The following BCAS3 variants were observed in gnomAD, a reference collection of about 807,000 sequenced individuals.
The protein encoded by BCAS3 is BCAS3 microtubule associated cell migration factor.
BCAS3 carries 53 observed loss-of-function variants against 116.1 expected under a neutral mutation model. The ratio of observed to expected loss-of-function variants is 0.46; its 90% confidence interval spans 0.37 to 0.57. The LOEUF is 0.57. BCAS3 is among the 20% of genes least tolerant of loss of function. The probability of loss-of-function intolerance (pLI) is 0.00; values close to 1 mark genes in which losing one functional copy is unlikely to be tolerated. For missense variants in BCAS3, 917 were observed against 1,165.4 expected, an observed-to-expected ratio of 0.79 and a Z score of 3.10; for synonymous variants, 391 against 408.2, an observed-to-expected ratio of 0.96 and a Z score of 0.51.
chr17:60,897,437 T>C (rs2057587082), intron 10 of BCAS3, among the ~76,000 whole-genome samples: 1 of 152,208 alleles, frequency 6.6e-6, no homozygotes, highest in African/African-American at 2.4e-5. Flanking sequence ...GCCTGTTGTA[T>C]CTGAATGTCC....
chr17:61,223,679 C>A (rs2082234656), intron 22 of BCAS3, among the ~76,000 whole-genome samples: 1 of 152,126 alleles, frequency 6.6e-6, no homozygotes, highest in African/African-American at 2.4e-5. Context: ...TATCAAGGTT[C>A]TTTTCATGAT....
intron 4 of BCAS3, among the ~76,000 whole-genome samples, chr17:60,705,797 A>G (rs1479418718): frequency 1.3e-5 from 2 of 152,222 alleles, no homozygotes; most frequent in Non-Finnish European, 2.9e-5. Context: ...TCTTTTAGAC[A>G]TAGATCTTTC....
At chr17:61,230,139 GTA>G (rs1028506420) in intron 22 of BCAS3, among the ~76,000 whole-genome samples, 6 of 42,174 alleles carry the variant, frequency 1.4e-4, no homozygotes, top group Admixed American at 3.8e-4. Flanking sequence ...AAAAGTGTGT[GTA>G]TACACACACA....
chr17:60,918,134 C>T (rs1438872994), intron 12 of BCAS3, among the ~76,000 whole-genome samples: 2 of 152,148 alleles, frequency 1.3e-5, no homozygotes, highest in Non-Finnish European at 2.9e-5. Context: ...TATATCCTTA[C>T]CCCAACACTA....
chr17:60,706,355 C>T (rs1755042107), intron 4 of BCAS3, among the ~76,000 whole-genome samples: 1 of 152,098 alleles, frequency 6.6e-6, no homozygotes, highest in Admixed American at 6.6e-5. Flanking sequence ...TGAGCTACCG[C>T]ACCCAGCAGG....
rs906477444 is a variant in BCAS3 at position 60,962,531 on chromosome 17, T to A, written c.1221+15179T>A. ...TCTTTTGCCCATTTTTAAATTTTCT[T>A]ATTTTTTCTTTTGTTTCTAATGGGG... On this transcript the variant is annotated intron_variant, in intron 14 of 23. Coordinates refer to ENST00000407086, the MANE Select transcript of BCAS3 (RefSeq NM_017679.5). The surrounding 1 kb of genome is among the most constrained non-coding windows in gnomAD (Gnocchi z 4.4). 6.6e-6 allele frequency among the ~76,000 whole-genome samples: 1 copy of A among 152,172 alleles called. No individual in the cohort carries two copies. Among genetic ancestry groups the A allele is most frequent in the South Asian group, 2.1e-4 (1 of 4,830 alleles).
rs1384647100 is a variant in BCAS3, at chr17:61,229,293, G to T, written c.2426-139034G>T. Among the ~76,000 whole-genome samples the T allele has an allele frequency of 6.6e-6, 1 of 152,206 alleles. No homozygotes were observed. Among genetic ancestry groups the T allele is most frequent in the East Asian group, 1.9e-4 (1 of 5,200 alleles). On this transcript the variant is annotated intron_variant, in intron 22 of 23. Transcript: ENST00000407086. This position sits in a 1 kb window ranked among gnomAD's most constrained non-coding sequence, Gnocchi z 4.4. ...AGAAGAAAAGTTTGAAGCTAACAGA[G>T]GTTGGTTCGTGAGGTTAAGGAAAGA...
chr17:61,164,102 T>G (rs2078338293), intron 22 of BCAS3, among the ~76,000 whole-genome samples: 1 of 151,086 alleles, frequency 6.6e-6, no homozygotes, highest in African/African-American at 2.4e-5. Flanking sequence ...TGACTTTTTT[T>G]TTTTTTTTTT....
intron 22 of BCAS3, among the ~76,000 whole-genome samples, chr17:61,342,940 CAG>C (rs2057275776): frequency 6.6e-6 from 1 of 151,958 alleles, no homozygotes; most frequent in Non-Finnish European, 1.5e-5. Flanking sequence ...TTAGTAGAGA[CAG>C]AGTTTCACCA....
chr17:60,696,551 A>G (rs181428273), intron 4 of BCAS3: 4 of 152,334 alleles, frequency 2.6e-5, no homozygotes, highest in African/African-American at 4.8e-5. Context: ...GTGAAACTGC[A>G]TCAGTGAACA....
At position 61,198,132 on chromosome 17, in the gene BCAS3, G is replaced by GTTTTT. The variant is rs11311858; in HGVS notation, c.2425+113576_2425+113580dup. Among the ~76,000 whole-genome samples the GTTTTT allele has an allele frequency of 4.2e-5, 6 of 143,646 alleles. No individual in the cohort carries two copies. The highest frequency in any genetic ancestry group is 5.1e-5 in the African/African-American group (2 of 39,290). The allele number at this position is 143,646 out of a possible 152,430, so 94.2% of individuals were successfully genotyped here. On this transcript the variant is annotated intron_variant, in intron 22 of 23. Transcript: ENST00000407086. The surrounding 1 kb of genome is among the most constrained non-coding windows in gnomAD (Gnocchi z 5.0). ...GCGATTAAGATAAAGTGCAAGATAT[G>GTTTTT]TTTTTTTTTTTTCTTTTTTTTTTTT... is the stretch of plus-strand genomic sequence containing the variant.
In BCAS3 at chr17:61,368,272, TG is replaced by T; in HGVS notation, c.2426-53del. 2 of 1,525,306 alleles carry T rather than the reference TG, an allele frequency of 1.3e-6. No homozygotes were observed. The highest frequency in any genetic ancestry group is 1.8e-6 in the Non-Finnish European group (2 of 1,126,048). 94.5% of individuals were successfully genotyped at this position (1,525,306 alleles called of 1,614,324 possible). ...GGAGCGGGTGGGAGGTAGACAAGAATGGCCTGCTCCCTGAAGGTGTGGACTC... is the reference window on the plus strand; with the variant it reads ...GGAGCGGGTGGGAGGTAGACAAGAATGCCTGCTCCCTGAAGGTGTGGACTC... On this transcript the variant is annotated intron_variant, in intron 22 of 23. Coordinates refer to ENST00000407086, the MANE Select transcript of BCAS3 (RefSeq NM_017679.5). The surrounding 1 kb of genome is among the most constrained non-coding windows in gnomAD (Gnocchi z 6.0).
intron 22 of BCAS3, among the ~76,000 whole-genome samples, chr17:61,247,627 A>G (rs1602171848): frequency 2.6e-5 from 4 of 152,202 alleles, no homozygotes; most frequent in African/African-American, 4.8e-5. Context: ...CCATGTGCCA[A>G]GTCCCTTATT....
rs2066476117 is a variant in BCAS3, at chr17:61,029,411, T to TC, written c.1638-5255_1638-5254insC. Among the ~76,000 whole-genome samples the TC allele has an allele frequency of 6.6e-6, 1 of 152,014 alleles. No individual in the cohort carries two copies. The highest frequency in any genetic ancestry group is 1.5e-5 in the Non-Finnish European group (1 of 67,896). On this transcript the variant is annotated intron_variant, in intron 16 of 23. Transcript: ENST00000407086. The surrounding 1 kb of genome is among the most constrained non-coding windows in gnomAD (Gnocchi z 5.2). Reference sequence around the variant, plus strand: ...TAGTCACTTTGGACTTCCCTGGTATTATGTGTCATCTAGGTTAGTTTAGGA... The same window carrying TC: ...TAGTCACTTTGGACTTCCCTGGTATTCATGTGTCATCTAGGTTAGTTTAGGA...
At chr17:61,382,056 G>A (rs1045275947) in intron 23 of BCAS3, among the ~76,000 whole-genome samples, 8 of 151,930 alleles carry the variant, frequency 5.3e-5, no homozygotes, top group Admixed American at 2.6e-4. Flanking sequence ...GGCCGGGCGC[G>A]GTGGCTCACG....
At chr17:61,263,527 A>G (rs1188804801) in intron 22 of BCAS3, among the ~76,000 whole-genome samples, 2 of 152,234 alleles carry the variant, frequency 1.3e-5, no homozygotes, top group Admixed American at 6.5e-5. Flanking sequence ...GGGACACAGA[A>G]CAAGGTGAAG....
chr17:61,216,813 A>T (rs972369908), intron 22 of BCAS3, among the ~76,000 whole-genome samples: 1 of 151,186 alleles, frequency 6.6e-6, no homozygotes, highest in African/African-American at 2.4e-5. Flanking sequence ...AAGTGCTGGG[A>T]TTACAGGCAT....
At chr17:61,280,425 A>T in intron 22 of BCAS3, among the ~76,000 whole-genome samples, 1 of 152,212 alleles carries the variant, frequency 6.6e-6, no homozygotes, top group East Asian at 1.9e-4. Context: ...TGGGGAGGTC[A>T]TCAGATTTGT....
At chr17:61,039,252 C>T (rs2067308168) in intron 18 of BCAS3, among the ~76,000 whole-genome samples, 1 of 152,154 alleles carries the variant, frequency 6.6e-6, no homozygotes, top group Admixed American at 6.5e-5. Context: ...CAAGATCTAT[C>T]CATGTTGTAG....
Sources: allele counts gnomAD v4.1 joint callset (sites outside exome capture counted in the v4.1 genomes callset), GRCh38; gene constraint gnomAD v4.1.1; non-coding constraint Gnocchi (gnomAD v3.1); transcripts MANE v1.5; gene names NCBI Gene and HGNC (gene_info 2026-07-23, HGNC 2026-07-21).